Variants in SGCZ observed in about 807,000 individuals in gnomAD.
The protein encoded by SGCZ is zeta-sarcoglycan.
A neutral mutation model predicts 41.3 loss-of-function variants in SGCZ; 40 were observed. The observed-to-expected ratio is 0.97, with a 90% CI of 0.75 to 1.26. The LOEUF (loss-of-function observed/expected upper bound fraction) is 1.26. Among genes scored for constraint, SGCZ ranks in the 50% most tolerant of loss-of-function variants. The probability of loss-of-function intolerance (pLI) is 0.00; values close to 1 mark genes in which losing one functional copy is unlikely to be tolerated. For missense variants in SGCZ, 552 were observed against 369.8 expected (o/e 1.49, Z -4.04); for synonymous variants, 206 against 137.5 (o/e 1.50, Z -3.49).
intron 1 of SGCZ, among the ~76,000 whole-genome samples, chr8:15,004,450 A>C (rs1802529689): frequency 6.6e-6 from 1 of 152,168 alleles, no homozygotes; most frequent in Non-Finnish European, 1.5e-5. Flanking sequence ...CACTTAAGAT[A>C]GAGGTGGGAA....
At chr8:14,878,567 C>T (rs946814151) in intron 1 of SGCZ, among the ~76,000 whole-genome samples, 3 of 151,942 alleles carry the variant, frequency 2.0e-5, no homozygotes, top group African/African-American at 7.3e-5. Context: ...AGTTGAATGT[C>T]GATATCTTCC....
chr8:15,065,406 T>C lies in SGCZ; in HGVS notation c.39+172179A>G, dbSNP rs1472614595. Reference sequence around the variant, plus strand: ...TATATCTATGGCATCACTTATCACATGGTATTGTAATTATTATTATTATTA... The same window carrying C: ...TATATCTATGGCATCACTTATCACACGGTATTGTAATTATTATTATTATTA... On this transcript the variant is annotated intron_variant, in intron 1 of 7. Coordinates refer to ENST00000382080, the MANE Select transcript of SGCZ (RefSeq NM_139167.4). 2.7e-5 allele frequency among the ~76,000 whole-genome samples: 4 copies of C among 145,932 alleles called. No homozygotes were observed. In the East Asian group the frequency reaches 5.9e-4, roughly 22 times the overall value.
intron 1 of SGCZ, among the ~76,000 whole-genome samples, chr8:14,588,072 A>T: frequency 6.6e-6 from 1 of 152,254 alleles, no homozygotes; most frequent in African/African-American, 2.4e-5. Flanking sequence ...TATATATTTC[A>T]AACATTTTTG....
At chr8:14,696,021 C>G (rs1028611747) in intron 1 of SGCZ, among the ~76,000 whole-genome samples, 1 of 152,088 alleles carries the variant, frequency 6.6e-6, no homozygotes, top group Non-Finnish European at 1.5e-5. Flanking sequence ...TGAATTGTTT[C>G]ACCCTACATA....
intron 3 of SGCZ, among the ~76,000 whole-genome samples, chr8:14,266,446 G>T (rs1310036274): frequency 2.6e-5 from 4 of 152,052 alleles, no homozygotes; most frequent in Admixed American, 1.3e-4. Context: ...CTCAAGACAT[G>T]ATATTTGCAC....
chr8:15,064,459 CT>C (rs1006883032), intron 1 of SGCZ, among the ~76,000 whole-genome samples: 1 of 149,684 alleles, frequency 6.7e-6, no homozygotes, highest in African/African-American at 2.5e-5. Flanking sequence ...GAAATTAAAC[CT>C]TCTGGACTTA....
intron 2 of SGCZ, among the ~76,000 whole-genome samples, chr8:14,540,689 A>G (rs1803438724): frequency 1.3e-5 from 2 of 151,898 alleles, no homozygotes; most frequent in Non-Finnish European, 2.9e-5. Context: ...ATATCTTATT[A>G]CATAATTCCT....
chr8:15,025,864 G>C (rs528646865), intron 1 of SGCZ, among the ~76,000 whole-genome samples: 1 of 152,130 alleles, frequency 6.6e-6, no homozygotes, highest in African/African-American at 2.4e-5. Flanking sequence ...ATATAAGTAA[G>C]ACTATATACG....
rs549374218 is a variant in SGCZ, at chr8:14,339,195, T to C, written c.235-14991A>G. Reference sequence around the variant, plus strand: ...TTCTTCTACAGTAATTCAATTATCATAGACTTCCTTAAAGTATTTGTAAAC... The same window carrying C: ...TTCTTCTACAGTAATTCAATTATCACAGACTTCCTTAAAGTATTTGTAAAC... On this transcript the variant is annotated intron_variant, in intron 2 of 7. Coordinates refer to ENST00000382080, the MANE Select transcript of SGCZ (RefSeq NM_139167.4). Among the ~76,000 whole-genome samples, 27 of 152,312 alleles carry C rather than the reference T, an allele frequency of 1.8e-4. 2 individuals are homozygous for C. Among genetic ancestry groups the C allele is most frequent in the Admixed American group, 9.8e-4 (15 of 15,300 alleles).
In SGCZ at chr8:14,823,055, T is replaced by TAAAAAAAAAAAAAAAA. The variant is rs34307530; in HGVS notation, c.40-268145_40-268130dup. Reference sequence around the variant, plus strand: ...GGCAATGAAGCCACACCAATCCTCATAAAAAAAAAAAAAAAAAAAAAAGAC... The same window carrying TAAAAAAAAAAAAAAAA: ...GGCAATGAAGCCACACCAATCCTCATAAAAAAAAAAAAAAAAAAAAAAAAAAAAAAAAAAAAAAGAC... On this transcript the variant is annotated intron_variant, in intron 1 of 7. Transcript: ENST00000382080. Among the ~76,000 whole-genome samples the TAAAAAAAAAAAAAAAA allele has an allele frequency of 2.6e-4, 20 of 75,480 alleles. No individual in the cohort carries two copies. The South Asian group carries it at 3.5e-3, about 13-fold the overall frequency. The allele number at this position is 75,480 out of a possible 152,430, so 49.5% of individuals were successfully genotyped here.
At chr8:14,233,411 C>A (rs1219669533) in intron 4 of SGCZ, among the ~76,000 whole-genome samples, 2 of 151,138 alleles carry the variant, frequency 1.3e-5, no homozygotes, top group Middle Eastern at 3.2e-3. Context: ...TGTTAAATAT[C>A]AATGTAATGT....
intron 1 of SGCZ, among the ~76,000 whole-genome samples, chr8:15,109,915 G>C (rs563204124): frequency 6.6e-6 from 1 of 152,110 alleles, no homozygotes; most frequent in African/African-American, 2.4e-5. Flanking sequence ...AAAATAATAG[G>C]AATATACATA....
At chr8:14,107,781 C>T (rs1410774046) in intron 6 of SGCZ, among the ~76,000 whole-genome samples, 2 of 152,032 alleles carry the variant, frequency 1.3e-5, no homozygotes, top group African/African-American at 4.8e-5. Context: ...TTGGACTACA[C>T]ATGTGCACCA....
chr8:14,905,431 T>G (rs1368215516), intron 1 of SGCZ, among the ~76,000 whole-genome samples: 1 of 152,034 alleles, frequency 6.6e-6, no homozygotes, highest in East Asian at 1.9e-4. Flanking sequence ...AGTATAATAC[T>G]AAGTCCGAGA....
chr8:14,553,564 T>C (rs1377558703), intron 2 of SGCZ, among the ~76,000 whole-genome samples: 1 of 152,090 alleles, frequency 6.6e-6, no homozygotes, highest in Admixed American at 6.6e-5. Context: ...TGCTGTTTTA[T>C]CTTGATATGC....
chr8:14,895,549 T>C (rs1329659818), intron 1 of SGCZ, among the ~76,000 whole-genome samples: 1 of 152,144 alleles, frequency 6.6e-6, no homozygotes, highest in Non-Finnish European at 1.5e-5. Context: ...TAAGGACTGA[T>C]AGAAAACCTT....
chr8:14,551,543 A>T (rs922186094), intron 2 of SGCZ, among the ~76,000 whole-genome samples: 307 of 3,482 alleles, frequency 0.088, 7 homozygotes, highest in East Asian at 0.16. Context: ...AATATATATA[A>T]TATATATAAT....
chr8:14,235,771 G>T (rs1284142469), intron 4 of SGCZ, among the ~76,000 whole-genome samples: 1 of 152,004 alleles, frequency 6.6e-6, no homozygotes, highest in Non-Finnish European at 1.5e-5. Flanking sequence ...TGCAACCTGC[G>T]CCTCCTGGGT....
At chr8:14,512,148 G>A (rs1394642121) in intron 2 of SGCZ, among the ~76,000 whole-genome samples, 1 of 152,100 alleles carries the variant, frequency 6.6e-6, no homozygotes, top group Non-Finnish European at 1.5e-5. Context: ...TACTCTGTTA[G>A]GAAATGGTAC....
Sources: gnomAD v4.1 joint callset for allele counts (sites outside exome capture counted in the v4.1 genomes callset) on GRCh38, gnomAD v4.1.1 for gene constraint, MANE v1.5 for transcripts, NCBI Gene and HGNC (gene_info 2026-07-23, HGNC 2026-07-21) for gene names.